Variants in HOMER2 observed in about 807,000 individuals in gnomAD.
HOMER2 encodes the protein homer protein homolog 2.
HOMER2 carries 27 observed loss-of-function variants against 47.0 expected under a neutral mutation model. The ratio of observed to expected loss-of-function variants is 0.57; its 90% CI spans 0.42 to 0.79. The LOEUF is 0.79. HOMER2 is among the 30% of genes least tolerant of loss of function. The pLI is 0.00. For synonymous variants in HOMER2, 161 were observed against 163.8 expected, an observed-to-expected ratio of 0.98 and a Z score of 0.13; for missense variants, 443 against 435.0, an observed-to-expected ratio of 1.02 and a Z score of -0.16.
intron 2 of HOMER2, among the ~76,000 whole-genome samples, chr15:82,882,274 C>T (rs2052544813): frequency 6.6e-6 from 1 of 152,008 alleles, no homozygotes; most frequent in South Asian, 2.1e-4. Flanking sequence ...ACACAGTACA[C>T]CTGCCACAGG....
chr15:82,877,095 C>T (rs931710142), intron 2 of HOMER2, among the ~76,000 whole-genome samples: 1 of 152,168 alleles, frequency 6.6e-6, no homozygotes, highest in African/African-American at 2.4e-5. Context: ...TCACTTAAAC[C>T]TTACAACGAG....
intron 1 of HOMER2, among the ~76,000 whole-genome samples, chr15:82,915,622 G>C (rs201587901): frequency 6.6e-6 from 1 of 152,206 alleles, no homozygotes; most frequent in Non-Finnish European, 1.5e-5. Flanking sequence ...TAACGTGGGA[G>C]GATTGCCTGG....
chr15:82,921,128 C>T lies in HOMER2; in HGVS notation c.6-28287G>A, dbSNP rs2053717538. On this transcript the variant is annotated intron_variant, in intron 1 of 8. Coordinates refer to ENST00000450735, the MANE Select transcript of HOMER2 (RefSeq NM_004839.4). ...TGGCCAACATGGGGAAACCCCATCT[C>T]TACAAAAAATACAAAAAATTAACCA... Among the ~76,000 whole-genome samples the T allele has an allele frequency of 2.0e-5, 3 of 152,090 alleles. No homozygotes were observed. The South Asian group carries it at 6.2e-4, about 32-fold the overall frequency.
chr15:82,966,939 C>T (rs2054680040), intron 1 of HOMER2, among the ~76,000 whole-genome samples: 1 of 152,120 alleles, frequency 6.6e-6, no homozygotes, highest in Non-Finnish European at 1.5e-5. Context: ...TCTTTAAAAC[C>T]ACAAAGCAAC....
intron 1 of HOMER2, among the ~76,000 whole-genome samples, chr15:82,910,193 G>A (rs2053413701): frequency 1.4e-5 from 2 of 142,748 alleles, no homozygotes; most frequent in South Asian, 4.5e-4. Context: ...TACTGAGAAA[G>A]GTAAAGAAAG....
intron 3 of HOMER2, among the ~76,000 whole-genome samples, chr15:82,865,719 A>G (rs2051943691): frequency 6.6e-6 from 1 of 152,202 alleles, no homozygotes; most frequent in African/African-American, 2.4e-5. Context: ...CAGCAGCTCC[A>G]GCTGTGACTA....
chr15:82,892,151 A>G (rs1411265403), intron 2 of HOMER2, among the ~76,000 whole-genome samples: 1 of 152,208 alleles, frequency 6.6e-6, no homozygotes, highest in Non-Finnish European at 1.5e-5. Flanking sequence ...TATGCCTAAT[A>G]ACACCAAAAC....
chr15:82,854,324 G>T lies in HOMER2; in HGVS notation c.651+320C>A, dbSNP rs1774080760. On this transcript the variant is annotated intron_variant, in intron 6 of 8. Coordinates refer to ENST00000450735, the MANE Select transcript of HOMER2 (RefSeq NM_004839.4). ...GGAGGCTGAGGCAAGAGAATCACTT[G>T]AACCTGGGAGACAGGAGGCTGCAGT... is the stretch of plus-strand genomic sequence containing the variant. 2.0e-5 allele frequency among the ~76,000 whole-genome samples: 3 copies of T among 152,136 alleles called. No homozygotes were observed. The South Asian group carries it at 6.2e-4, about 32-fold the overall frequency.
chr15:82,976,663 T>G (rs1311776790), intron 1 of HOMER2, among the ~76,000 whole-genome samples: 3 of 142,688 alleles, frequency 2.1e-5, no homozygotes, highest in African/African-American at 7.8e-5. Flanking sequence ...GATTAGATCT[T>G]AAGATTTGTG....
chr15:82,957,970 T>C (rs754901694), downstream of HOMER2, among the ~76,000 whole-genome samples: 18 of 152,168 alleles, frequency 1.2e-4, no homozygotes, highest in Non-Finnish European at 2.4e-4. Flanking sequence ...CCCAAGTAGC[T>C]CGGATTAGAG....
At chr15:82,971,561 G>A (rs1022468901) in intron 1 of HOMER2, among the ~76,000 whole-genome samples, 4 of 152,162 alleles carry the variant, frequency 2.6e-5, no homozygotes, top group African/African-American at 9.7e-5. Flanking sequence ...AGCCTGGATG[G>A]ATAGCCAGCT....
chr15:82,952,915 G>A (rs1418178201), upstream of HOMER2, among the ~76,000 whole-genome samples: 1 of 152,014 alleles, frequency 6.6e-6, no homozygotes, highest in Non-Finnish European at 1.5e-5. Context: ...GGGCCACCCA[G>A]TCCTCGGTGC....
chr15:82,844,409 A>G (rs2051211630), downstream of HOMER2: 1 of 152,242 alleles, frequency 6.6e-6, no homozygotes, highest in Non-Finnish European at 1.5e-5. Flanking sequence ...CAACCTACAT[A>G]GAGGTTAAAA....
intron 2 of HOMER2, among the ~76,000 whole-genome samples, chr15:82,882,880 GC>G (rs1235974955): frequency 4.6e-5 from 1 of 21,802 alleles, no homozygotes; most frequent in Non-Finnish European, 1.0e-4. Flanking sequence ...ACCAGCCACT[GC>G]TTTTTTTTTT....
At chr15:82,865,045 G>A (rs1025398070) in intron 3 of HOMER2, among the ~76,000 whole-genome samples, 5 of 152,218 alleles carry the variant, frequency 3.3e-5, no homozygotes, top group Non-Finnish European at 7.3e-5. Context: ...TATCCTCTGA[G>A]TATCTTCACA....
chr15:82,892,981 A>G (rs1289706547), intron 1 of HOMER2, 140 bp from the exon 2 acceptor site: 1 of 625,388 alleles, frequency 1.6e-6, no homozygotes, highest in Non-Finnish European at 2.4e-6. Flanking sequence ...ATTAAAATAA[A>G]AGCAAAGAGA....
At chr15:82,958,234 A>G (rs2054602185) in exon 2 of HOMER2, 1 of 152,268 alleles carries the variant, frequency 6.6e-6, no homozygotes, top group Admixed American at 6.5e-5. Context: ...TGAATAAGGT[A>G]GTTCCTGCAG....
intron 1 of HOMER2, among the ~76,000 whole-genome samples, chr15:82,978,921 G>A (rs975444988): frequency 1.3e-4 from 20 of 152,074 alleles, no homozygotes; most frequent in African/African-American, 4.3e-4. Context: ...GGGTTTCACC[G>A]TGTTGGCCAG....
intron 2 of HOMER2, among the ~76,000 whole-genome samples, chr15:82,881,367 T>A (rs1295518331): frequency 6.6e-6 from 1 of 152,174 alleles, no homozygotes; most frequent in Non-Finnish European, 1.5e-5. Context: ...ATTCCTTTCA[T>A]GAGAAGTCTT....
Sources: gnomAD v4.1 joint callset for allele counts (sites outside exome capture counted in the v4.1 genomes callset) on GRCh38, gnomAD v4.1.1 for gene constraint, MANE v1.5 for transcripts, NCBI Gene and HGNC (gene_info 2026-07-23, HGNC 2026-07-21) for gene names.